The following AP3B2 variants were observed in gnomAD, a reference collection of about 807,000 sequenced individuals.
The protein encoded by AP3B2 is adaptor related protein complex 3 subunit beta 2.
Under a neutral mutation model 126.9 loss-of-function variants are expected in AP3B2, and 50 were observed. That is an observed-to-expected ratio of 0.39 (90% CI 0.31 to 0.50). The LOEUF is 0.50. AP3B2 is among the 20% of genes least tolerant of loss of function. The probability of loss-of-function intolerance (pLI) is 0.79; values close to 1 mark genes in which losing one functional copy is unlikely to be tolerated. For missense variants in AP3B2, 1,177 were observed against 1,426.4 expected (o/e 0.83, Z 2.82); for synonymous variants, 541 against 565.0 (o/e 0.96, Z 0.60).
intron 4 of AP3B2, chr15:82,686,402 G>T (rs1022909037): frequency 6.6e-6 from 1 of 152,064 alleles, no homozygotes; most frequent in Non-Finnish European, 1.5e-5. Flanking sequence ...CAACAAAAAA[G>T]AAAACAAGTT....
chr15:82,660,957 A>G (rs1485869371), intron 25 of AP3B2, among the ~76,000 whole-genome samples: 1 of 152,026 alleles, frequency 6.6e-6, no homozygotes, highest in Non-Finnish European at 1.5e-5. Context: ...TCCTTTAGCA[A>G]TGACCCTCTC....
chr15:82,690,326 C>T (rs2048505845), intron 1 of AP3B2, among the ~76,000 whole-genome samples: 1 of 151,694 alleles, frequency 6.6e-6, no homozygotes, highest in Non-Finnish European at 1.5e-5. Flanking sequence ...CATATGTATA[C>T]ATGTGCCATG....
chr15:82,676,779 T>A, intron 13 of AP3B2, 142 bp from the exon 14 acceptor site: 1 of 789,186 alleles, frequency 1.3e-6, no homozygotes, highest in Non-Finnish European at 2.0e-6. Flanking sequence ...TTGGGGGTGG[T>A]GAGATAGAGA....
At chr15:82,692,007 T>C (rs1271346477) in intron 1 of AP3B2, 1 of 1,463,210 alleles carries the variant, frequency 6.8e-7, no homozygotes, top group African/African-American at 1.4e-5. Context: ...ATGTGATCCT[T>C]CAGGTCCTGC....
intron 1 of AP3B2, among the ~76,000 whole-genome samples, chr15:82,702,046 T>C (rs1049936060): frequency 1.3e-5 from 2 of 152,224 alleles, no homozygotes; most frequent in African/African-American, 4.8e-5. Context: ...CACTGTTCTC[T>C]GGTCACTTCT....
rs35153505 is a variant in AP3B2 at position 82,682,924 on chromosome 15, C to CA, written c.361-1345dup. Among the ~76,000 whole-genome samples the CA allele has an allele frequency of 5.0e-3, 673 of 134,268 alleles. 1 individual carries two copies. Among genetic ancestry groups the CA allele is most frequent in the African/African-American group, 0.014 (492 of 34,508 alleles). 88.1% of individuals were successfully genotyped at this position (134,268 alleles called of 152,430 possible). ...CAACATAGGGAGACCCCAGTCTCTACAAAAAAAAAAAAAATTGAAGTCAGT... is the reference window on the plus strand; with the variant it reads ...CAACATAGGGAGACCCCAGTCTCTACAAAAAAAAAAAAAAATTGAAGTCAGT... On this transcript the variant is annotated intron_variant, in intron 4 of 26. Transcript: ENST00000535359.
Position 82,688,793 on chromosome 15 carries a change from A to G in AP3B2, c.303T>C (p.Ala101=), listed in dbSNP as rs1198135586. 6 of 1,613,046 alleles carry G rather than the reference A, an allele frequency of 3.7e-6. No homozygotes were observed. In the African/African-American group the frequency reaches 8.0e-5, roughly 21 times the overall value. The change falls in exon 4 of 27, where the codon GCT becomes GCC. Residue 101 remains alanine, a synonymous_variant. Transcript: ENST00000535359. The part of the protein sequence containing the change: ...KLVYVYLVRY[A]EEQQDLALLS... ...GCAGGGCCAGGTCTTGCTGCTCCTCAGCGTAGCGTACCAGGTACACATAGA... is the reference window on the plus strand; with the variant it reads ...GCAGGGCCAGGTCTTGCTGCTCCTCGGCGTAGCGTACCAGGTACACATAGA...
chr15:82,666,768 C>G lies in AP3B2; in HGVS notation c.1831G>C (p.Val611Leu), dbSNP rs1178696471. Residue 611 changes from valine to leucine, a missense_variant, in exon 15 of 27, where the codon GTC (valine) becomes CTC (leucine). Physicochemically the swap from Val to Leu is conservative, Grantham distance 32. Coordinates refer to ENST00000535359, the MANE Select transcript of AP3B2 (RefSeq NM_001278512.2). The part of the protein sequence containing the change: ...KLFLAPKPAP[V>L]LESSFKDRDH... ...CCACCTTTGAAGGATGACTCCAAGACTGGAGCTGGTTTGGGTGCCAGGAAG... is the reference window on the plus strand; with the variant it reads ...CCACCTTTGAAGGATGACTCCAAGAGTGGAGCTGGTTTGGGTGCCAGGAAG... 30 of 1,613,806 alleles carry G rather than the reference C, an allele frequency of 1.9e-5. No homozygotes were observed. Among genetic ancestry groups the G allele is most frequent in the Non-Finnish European group, 2.5e-5 (29 of 1,179,850 alleles).
chr15:82,680,829 C>A lies in AP3B2; in HGVS notation c.771+8G>T. ...TCGGCCCGCTCTGCCTGGGCTGGGC[C>A]CACTTACGTTCTGGGTGGGGCTCAG... On this transcript the variant is annotated splice_region_variant and intron_variant, in intron 7 of 26. Coordinates refer to ENST00000535359, the MANE Select transcript of AP3B2 (RefSeq NM_001278512.2). This position sits in a 1 kb window ranked among gnomAD's most constrained non-coding sequence, Gnocchi z 6.1. 2 of 1,613,266 alleles carry A rather than the reference C, an allele frequency of 1.2e-6. No homozygotes were observed. The highest frequency in any genetic ancestry group is 1.7e-6 in the Non-Finnish European group (2 of 1,179,554).
intron 25 of AP3B2, among the ~76,000 whole-genome samples, chr15:82,661,287 A>G (rs1355717980): frequency 2.0e-5 from 3 of 152,152 alleles, no homozygotes; most frequent in African/African-American, 7.2e-5. Flanking sequence ...TGCATACTAA[A>G]TAGCTCCTCC....
intron 3 of AP3B2, 37 bp from the exon 4 acceptor site, chr15:82,688,868 A>C: frequency 2.4e-5 from 37 of 1,560,944 alleles, no homozygotes; most frequent in Non-Finnish European, 3.1e-5. Flanking sequence ...AACGCTTCTC[A>C]GCAGGCACCT....
intron 11 of AP3B2, 80 bp downstream of exon 11, chr15:82,678,025 A>T: frequency 6.6e-7 from 1 of 1,514,530 alleles, no homozygotes; most frequent in Non-Finnish European, 9.1e-7. Flanking sequence ...TTGGGCTCAT[A>T]AGAGGAGGTT....
chr15:82,698,254 C>G (rs1340184836), intron 1 of AP3B2, among the ~76,000 whole-genome samples: 1 of 151,890 alleles, frequency 6.6e-6, no homozygotes, highest in African/African-American at 2.4e-5. Flanking sequence ...AACACACTCC[C>G]CCACATACAG....
chr15:82,695,686 A>G (rs1231838712), intron 1 of AP3B2, among the ~76,000 whole-genome samples: 1 of 152,028 alleles, frequency 6.6e-6, no homozygotes, highest in Non-Finnish European at 1.5e-5. Flanking sequence ...GGTAAATATA[A>G]CTAAAGTTTC....
chr15:82,682,360 C>A lies in AP3B2; in HGVS notation c.361-780G>T, dbSNP rs555344138. Among the ~76,000 whole-genome samples, 6 of 152,104 alleles carry A rather than the reference C, an allele frequency of 3.9e-5. No individual in the cohort carries two copies. The South Asian group carries it at 1.2e-3, about 32-fold the overall frequency. On this transcript the variant is annotated intron_variant, in intron 4 of 26. Transcript: ENST00000535359. ...GAGCCACCACGCCCGGCCCCAAGCCCTTCTTCTTTATTCCTACTGCATCCT... is the reference window on the plus strand; with the variant it reads ...GAGCCACCACGCCCGGCCCCAAGCCATTCTTCTTTATTCCTACTGCATCCT...
rs550830004 is a variant in AP3B2 at position 82,664,271 on chromosome 15, A to G, written c.2261+96T>C. The G allele has an allele frequency of 2.5e-6, 4 of 1,584,448 alleles. No individual in the cohort carries two copies. The East Asian group carries it at 9.0e-5, about 36-fold the overall frequency. ...GCCCCACCCAGCTCACGAGGGGCTC[A>G]GGGGCTCTTAGGAGACTGGCTAAAG... On this transcript the variant is annotated intron_variant, in intron 19 of 26. Coordinates refer to ENST00000535359, the MANE Select transcript of AP3B2 (RefSeq NM_001278512.2). This position sits in a 1 kb window ranked among gnomAD's most constrained non-coding sequence, Gnocchi z 4.5.
intron 1 of AP3B2, among the ~76,000 whole-genome samples, chr15:82,691,569 C>T (rs575939952): frequency 2.0e-5 from 3 of 151,680 alleles, no homozygotes; most frequent in African/African-American, 4.8e-5. Flanking sequence ...CTAATATGGC[C>T]CTGGTAGAAA....
At chr15:82,688,405 G>C (rs910032287) in intron 4 of AP3B2, 19 of 702,214 alleles carry the variant, frequency 2.7e-5, no homozygotes, top group Admixed American at 1.4e-4. Context: ...TACACAAAGG[G>C]GGGTGAGGGT....
rs34826697 is a variant in AP3B2, at chr15:82,680,735, G to C, written c.792C>G (p.Asn264Lys). The change falls in exon 8 of 27, where the codon AAC (asparagine) becomes AAG (lysine). Residue 264 changes from asparagine to lysine, a missense_variant. This residue lies in a region of AP3B2 where 103 missense variants were observed against 101.4 expected (regional missense o/e 1.02). Coordinates refer to ENST00000535359, the MANE Select transcript of AP3B2 (RefSeq NM_001278512.2). The surrounding 1 kb of genome is among the most constrained non-coding windows in gnomAD (Gnocchi z 6.1). ...CTGAGCCGTAGAAGGCTTTTTCCGC[G>C]TTCTCCTCTAGTAGGGATTCCTGGA... ...PTQNESLLEE[N>K]AEKAFYGSEE... 6.4e-7 allele frequency: 1 copy of C among 1,568,522 alleles called. No individual in the cohort carries two copies. The highest frequency in any genetic ancestry group is 1.4e-5 in the African/African-American group (1 of 73,818).
Sources: allele counts gnomAD v4.1 joint callset (sites outside exome capture counted in the v4.1 genomes callset), GRCh38; gene constraint gnomAD v4.1.1; regional missense constraint gnomAD v4.1.1; non-coding constraint Gnocchi (gnomAD v3.1); transcripts MANE v1.5; gene names NCBI Gene and HGNC (gene_info 2026-07-23, HGNC 2026-07-21).